The following HORMAD2 variants were observed in gnomAD, a reference collection of about 807,000 sequenced individuals.
HORMAD2 encodes HORMA domain-containing protein 2.
HORMAD2 carries 45 observed loss-of-function variants against 38.8 expected under a neutral mutation model. The ratio of observed to expected loss-of-function variants is 1.16; its 90% CI spans 0.91 to 1.49. The LOEUF is 1.49. Among genes scored for constraint, HORMAD2 ranks in the 40% most tolerant of loss-of-function variants. The probability of loss-of-function intolerance (pLI) is 0.00; values close to 1 mark genes in which losing one functional copy is unlikely to be tolerated. For synonymous variants in HORMAD2, 126 were observed against 122.8 expected, an observed-to-expected ratio of 1.03 and a Z score of -0.17; for missense variants, 338 against 367.0, an observed-to-expected ratio of 0.92 and a Z score of 0.65.
intron 3 of HORMAD2, among the ~76,000 whole-genome samples, chr22:30,102,827 A>G (rs1920961200): frequency 6.6e-6 from 1 of 152,002 alleles, no homozygotes; most frequent in Admixed American, 6.6e-5. Context: ...GTGAGGTTTC[A>G]CTAGGTTGCC....
chr22:30,098,548 T>C (rs1226874884), intron 2 of HORMAD2, among the ~76,000 whole-genome samples: 4 of 152,076 alleles, frequency 2.6e-5, no homozygotes, highest in Non-Finnish European at 5.9e-5. Context: ...TGCAGCGGGG[T>C]CTGAGGAGTG....
downstream of HORMAD2, among the ~76,000 whole-genome samples, chr22:30,177,803 C>T (rs561068343): frequency 8.0e-5 from 12 of 150,818 alleles, no homozygotes; most frequent in South Asian, 2.1e-4. Context: ...CCTCAACCTC[C>T]GGACTGGCTG....
rs777494728 is a variant in HORMAD2, at chr22:30,121,729, G to A, written c.508G>A (p.Asp170Asn). The A allele has an allele frequency of 2.3e-5, 37 of 1,612,160 alleles. No individual in the cohort carries two copies. Among genetic ancestry groups the A allele is most frequent in the Non-Finnish European group, 3.0e-5 (35 of 1,179,046 alleles). ...LIRKLYILMQ[D>N]LEPLPNNVVL... ...CCGTAAATTGTATATACTGATGCAGGACCTTGAGCCACTTCCTAATAATGT... is the reference window on the plus strand; with the variant it reads ...CCGTAAATTGTATATACTGATGCAGAACCTTGAGCCACTTCCTAATAATGT... The change falls in exon 9 of 11, where the codon GAC becomes AAC. Residue 170 changes from aspartate to asparagine, a missense_variant. Transcript: ENST00000336726.
At position 30,157,547 on chromosome 22, in the gene HORMAD2, A is replaced by C. The variant is rs1165246893; in HGVS notation, c.820-18516A>C. Among the ~76,000 whole-genome samples, 3 of 152,230 alleles carry C rather than the reference A, an allele frequency of 2.0e-5. No homozygotes were observed. In the East Asian group the frequency reaches 5.8e-4, roughly 29 times the overall value. ...ACTATACCATAAAAAAAGTCAGACGAATACTTTTTCAAGCTATTCATTGCT... is the reference window on the plus strand; with the variant it reads ...ACTATACCATAAAAAAAGTCAGACGCATACTTTTTCAAGCTATTCATTGCT... On this transcript the variant is annotated intron_variant, in intron 10 of 10. Transcript: ENST00000336726.
intron 10 of HORMAD2, 135 bp downstream of exon 10, chr22:30,122,349 GT>G: frequency 2.8e-6 from 2 of 724,230 alleles, no homozygotes; most frequent in Non-Finnish European, 4.1e-6. Context: ...ACATCAAGGA[GT>G]TTTTAATCTA....
chr22:30,164,184 T>G (rs1187413039), intron 10 of HORMAD2, among the ~76,000 whole-genome samples: 1 of 152,206 alleles, frequency 6.6e-6, no homozygotes, highest in East Asian at 1.9e-4. Context: ...CATATTTTGT[T>G]TATCCATTCA....
intron 7 of HORMAD2, among the ~76,000 whole-genome samples, chr22:30,113,163 A>G (rs557176810): frequency 2.0e-5 from 3 of 152,198 alleles, no homozygotes; most frequent in African/African-American, 7.2e-5. Flanking sequence ...TTCTTTTTCC[A>G]GCAGAACCCC....
chr22:30,194,071 A>C, the HORMAD2 span, among the ~76,000 whole-genome samples: 1 of 151,858 alleles, frequency 6.6e-6, no homozygotes, highest in Non-Finnish European at 1.5e-5. Flanking sequence ...TCATCACTCA[A>C]CTCTCAAGAT....
chr22:30,199,781 T>C, the HORMAD2 span, among the ~76,000 whole-genome samples: 229 of 151,870 alleles, frequency 1.5e-3, 1 homozygote, highest in African/African-American at 5.3e-3. Context: ...CCCATCACCA[T>C]TGTTTTCCAC....
intron 2 of HORMAD2, among the ~76,000 whole-genome samples, chr22:30,096,277 A>G (rs1478029681): frequency 1.3e-5 from 2 of 152,208 alleles, no homozygotes; most frequent in Admixed American, 1.3e-4. Flanking sequence ...ACATATAAGC[A>G]TATGTGTTGG....
chr22:30,172,324 A>G (rs1345788259), intron 10 of HORMAD2, among the ~76,000 whole-genome samples: 2 of 152,216 alleles, frequency 1.3e-5, no homozygotes, highest in Non-Finnish European at 2.9e-5. Context: ...GCTGACACTC[A>G]ATAAATAACT....
chr22:30,086,817 A>G (rs1433758222), intron 1 of HORMAD2, among the ~76,000 whole-genome samples: 2 of 152,168 alleles, frequency 1.3e-5, no homozygotes, highest in Non-Finnish European at 2.9e-5. Context: ...GCAGGGGGAC[A>G]GGGTTTCACT....
intron 1 of HORMAD2, among the ~76,000 whole-genome samples, chr22:30,091,266 C>CTTTT (rs67947501): frequency 1.7e-3 from 198 of 113,944 alleles, no homozygotes; most frequent in Non-Finnish European, 2.6e-3. Flanking sequence ...CTCTTTCTTT[C>CTTTT]TTTTTTTTTT....
At chr22:30,101,863 C>T (rs1920948418) in intron 3 of HORMAD2, among the ~76,000 whole-genome samples, 1 of 151,976 alleles carries the variant, frequency 6.6e-6, no homozygotes, top group South Asian at 2.1e-4. Context: ...GCCTAGGAAT[C>T]CAAGACCAGC....
downstream of HORMAD2, among the ~76,000 whole-genome samples, chr22:30,181,216 G>A (rs149208835): frequency 1.7e-3 from 253 of 151,794 alleles, no homozygotes; most frequent in Middle Eastern, 6.8e-3. Flanking sequence ...GTTTTGCCAC[G>A]TTGCCCAGGC....
chr22:30,150,509 T>C (rs1161389756), intron 10 of HORMAD2, among the ~76,000 whole-genome samples: 1 of 152,178 alleles, frequency 6.6e-6, no homozygotes, highest in Non-Finnish European at 1.5e-5. Flanking sequence ...CCACCTCCTC[T>C]ACCTCTCTCT....
At chr22:30,086,233 C>T (rs1350523192) in intron 1 of HORMAD2, among the ~76,000 whole-genome samples, 1 of 152,158 alleles carries the variant, frequency 6.6e-6, no homozygotes, top group Non-Finnish European at 1.5e-5. Context: ...TTCCTGAGGT[C>T]TCCCCAGCTA....
At chr22:30,180,306 C>T (rs1248370569), downstream of HORMAD2, among the ~76,000 whole-genome samples, 1 of 152,048 alleles carries the variant, frequency 6.6e-6, no homozygotes, top group African/African-American at 2.4e-5. Flanking sequence ...ATCTATGGGG[C>T]ACTAGTGGAG....
rs368244393 is a variant in HORMAD2, at chr22:30,102,668, G to A, written c.194-769G>A. 4.8e-3 allele frequency among the ~76,000 whole-genome samples: 726 copies of A among 152,236 alleles called. 8 individuals are homozygous for A. Among genetic ancestry groups the A allele is most frequent in the African/African-American group, 0.017 (687 of 41,546 alleles). ...GAGAGGGAGTCTCATTTCATTGTCC[G>A]GGCTGGAGTGTGGCGGCATGATCAT... On this transcript the variant is annotated intron_variant, in intron 3 of 10. Transcript: ENST00000336726.
Sources: allele counts gnomAD v4.1 joint callset (sites outside exome capture counted in the v4.1 genomes callset), GRCh38; gene constraint gnomAD v4.1.1; transcripts MANE v1.5; gene names NCBI Gene and HGNC (gene_info 2026-07-23, HGNC 2026-07-21).